GRHL2: variants seen among roughly 807,000 people sequenced by gnomAD.
The protein encoded by GRHL2 is grainyhead-like protein 2 homolog.
Under a neutral mutation model 83.8 loss-of-function variants are expected in GRHL2, and 21 were observed. That is an observed-to-expected ratio of 0.25 (90% CI 0.18 to 0.36). The LOEUF (loss-of-function observed/expected upper bound fraction) is 0.36, where lower values mean the gene tolerates loss of function less well. Among genes scored for constraint, GRHL2 ranks in the 10% least tolerant of loss-of-function variants. The pLI, the probability that GRHL2 is intolerant of heterozygous loss-of-function variation, is 1.00. For synonymous variants in GRHL2, 280 were observed against 278.9 expected, an observed-to-expected ratio of 1.00 and a Z score of -0.04; for missense variants, 623 against 781.8, an observed-to-expected ratio of 0.80 and a Z score of 2.42.
In GRHL2 at chr8:101,594,088, AAAAAAAAAAAG is replaced by A. The variant is rs1166178321; in HGVS notation, c.1004-4967_1004-4957del. ...CTGTATCAAAAAAAAAAAAAAAAAA[AAAAAAAAAAAG>A]AGAGAGATAGTGAAGGGGGAACAGA... On this transcript the variant is annotated intron_variant, in intron 7 of 15. Coordinates refer to ENST00000646743, the MANE Select transcript of GRHL2 (RefSeq NM_024915.4). Among the ~76,000 whole-genome samples the A allele has an allele frequency of 3.7e-3, 528 of 141,262 alleles. 12 individuals are homozygous for A. The highest frequency in any genetic ancestry group is 0.013 in the African/African-American group (473 of 36,796). 92.7% of individuals were successfully genotyped at this position (141,262 alleles called of 152,430 possible).
intron 1 of GRHL2, among the ~76,000 whole-genome samples, chr8:101,530,460 C>G (rs1810900964): frequency 1.3e-5 from 2 of 152,150 alleles, no homozygotes; most frequent in African/African-American, 4.8e-5. Flanking sequence ...ATAATTCTTT[C>G]CTTTAAAAAT....
chr8:101,538,630 G>A (rs764552289), intron 1 of GRHL2, among the ~76,000 whole-genome samples: 2 of 152,204 alleles, frequency 1.3e-5, no homozygotes, highest in Non-Finnish European at 2.9e-5. Context: ...GACCAGAGCA[G>A]AATTAGAATT....
chr8:101,527,417 T>C (rs1435099967), intron 1 of GRHL2, among the ~76,000 whole-genome samples: 1 of 152,162 alleles, frequency 6.6e-6, no homozygotes, highest in Non-Finnish European at 1.5e-5. Flanking sequence ...CCCAGGCTGG[T>C]CTCAAACTCC....
chr8:101,526,152 G>A (rs1810798700), intron 1 of GRHL2, among the ~76,000 whole-genome samples: 1 of 152,114 alleles, frequency 6.6e-6, no homozygotes, highest in Non-Finnish European at 1.5e-5. Context: ...GCTTCACACT[G>A]ATAGTTGGAA....
intron 7 of GRHL2, among the ~76,000 whole-genome samples, chr8:101,591,516 A>C (rs1224763222): frequency 1.3e-5 from 2 of 152,194 alleles, no homozygotes; most frequent in East Asian, 3.8e-4. Flanking sequence ...AGTGCTTCCC[A>C]AGAAACTAGT....
At chr8:101,663,597 G>A (rs1181263134) in intron 14 of GRHL2, among the ~76,000 whole-genome samples, 1 of 150,272 alleles carries the variant, frequency 6.7e-6, no homozygotes, top group Non-Finnish European at 1.5e-5. Flanking sequence ...GGGAACCAGA[G>A]CAAGATTCCA....
intron 13 of GRHL2, among the ~76,000 whole-genome samples, chr8:101,648,352 G>T (rs13262244): frequency 6.6e-6 from 1 of 151,972 alleles, no homozygotes; most frequent in African/African-American, 2.4e-5. Context: ...TACTCTCTAC[G>T]TTCTGAAATT....
chr8:101,678,868 T>A, the GRHL2 span, among the ~76,000 whole-genome samples: 1 of 146,270 alleles, frequency 6.8e-6, no homozygotes, highest in Non-Finnish European at 1.5e-5. Flanking sequence ...GAGGGTCCTG[T>A]CTGTTAGAAG....
At chr8:101,554,199 C>G (rs1324090788) in intron 3 of GRHL2, among the ~76,000 whole-genome samples, 2 of 152,186 alleles carry the variant, frequency 1.3e-5, no homozygotes, top group Non-Finnish European at 2.9e-5. Flanking sequence ...ATGAAGGCTG[C>G]CTGCATCTGA....
intron 8 of GRHL2, among the ~76,000 whole-genome samples, chr8:101,604,722 C>T (rs893332534): frequency 2.0e-5 from 3 of 152,112 alleles, no homozygotes; most frequent in African/African-American, 7.2e-5. Context: ...ATTGCTCTGC[C>T]TCCAAGCCTT....
intron 3 of GRHL2, among the ~76,000 whole-genome samples, chr8:101,557,774 G>A (rs1288146842): frequency 2.0e-5 from 3 of 152,028 alleles, no homozygotes; most frequent in East Asian, 3.9e-4. Context: ...TTGTCTGATC[G>A]CTTCTTTTTG....
intron 5 of GRHL2, 132 bp downstream of exon 5, chr8:101,570,526 G>A: frequency 1.3e-6 from 1 of 789,454 alleles, no homozygotes; most frequent in South Asian, 1.5e-5. Flanking sequence ...TTGCCTCAGT[G>A]CTTTTTTCTT....
rs923356282 is a variant in GRHL2, at chr8:101,667,980, G to T, written c.*1277G>T. 2 of 152,726 alleles carry T rather than the reference G, an allele frequency of 1.3e-5. No homozygotes were observed. The highest frequency in any genetic ancestry group is 2.9e-5 in the Non-Finnish European group (2 of 68,146). 9.5% of individuals were successfully genotyped at this position (152,726 alleles called of 1,614,324 possible). On this transcript the variant is annotated 3_prime_UTR_variant, in exon 16 of 16. Transcript: ENST00000646743. ...TCCTCCTGGGCCACCAGATGGAAAG[G>T]GGGTATTGTTTGCCTCACTCCTGGA...
In GRHL2 at chr8:101,522,116, T is replaced by G. The variant is rs545657149; in HGVS notation, c.21-21125T>G. On this transcript the variant is annotated intron_variant, in intron 1 of 15. Coordinates refer to ENST00000646743, the MANE Select transcript of GRHL2 (RefSeq NM_024915.4). ...AAAGATTTTTTTTAAATATATATTT[T>G]TATTATACTTTAAGTTCTAGGGTAC... Among the ~76,000 whole-genome samples the G allele has an allele frequency of 2.6e-5, 4 of 152,260 alleles. No homozygotes were observed. In the East Asian group the frequency reaches 7.7e-4, roughly 29 times the overall value.
At chr8:101,657,354 G>T (rs1490061797) in intron 14 of GRHL2, among the ~76,000 whole-genome samples, 5 of 152,214 alleles carry the variant, frequency 3.3e-5, no homozygotes, top group African/African-American at 1.2e-4. Context: ...TGGGCAAAGA[G>T]AACTTTCCAC....
intron 7 of GRHL2, among the ~76,000 whole-genome samples, chr8:101,580,191 A>G (rs1812021103): frequency 1.3e-5 from 2 of 152,168 alleles, no homozygotes; most frequent in South Asian, 2.1e-4. Flanking sequence ...CATAATAATT[A>G]TATGTACTTA....
chr8:101,559,614 A>G (rs1488147618), intron 4 of GRHL2, among the ~76,000 whole-genome samples: 2 of 152,184 alleles, frequency 1.3e-5, no homozygotes, highest in Non-Finnish European at 2.9e-5. Flanking sequence ...GTTATCAATA[A>G]TCAAGTGTGT....
At position 101,633,476 on chromosome 8, in the gene GRHL2, G is replaced by A. The variant is rs558234339; in HGVS notation, c.1485+1111G>A. Among the ~76,000 whole-genome samples the A allele has an allele frequency of 5.6e-4, 86 of 152,268 alleles. 2 individuals carry two copies. The South Asian group carries it at 0.017, about 31-fold the overall frequency. On this transcript the variant is annotated intron_variant, in intron 11 of 15. Transcript: ENST00000646743. ...CCTACTGGCTTTACTTTCTCTTTTG[G>A]ATGTATTTTGTCCCCTAGTATTCTG...
intron 14 of GRHL2, among the ~76,000 whole-genome samples, chr8:101,652,421 G>T (rs892982984): frequency 1.2e-5 from 1 of 85,634 alleles, no homozygotes. Flanking sequence ...TGGTGTGTGT[G>T]TGTGGTGTGT....
Sources: gnomAD v4.1 joint callset for allele counts (sites outside exome capture counted in the v4.1 genomes callset) on GRCh38, gnomAD v4.1.1 for gene constraint, MANE v1.5 for transcripts, NCBI Gene and HGNC (gene_info 2026-07-23, HGNC 2026-07-21) for gene names.